CDYL: variants seen among roughly 807,000 people sequenced by gnomAD.
The protein encoded by CDYL is chromodomain Y-like protein.
In CDYL, 8 loss-of-function variants were observed where a neutral mutation model predicts 47.3. The ratio of observed to expected loss-of-function variants is 0.17; its 90% CI spans 0.10 to 0.31. The LOEUF (loss-of-function observed/expected upper bound fraction) is 0.31. Ranked by LOEUF, CDYL falls within the 10% of genes least tolerant of loss-of-function variation. CDYL has a pLI of 1.00. For synonymous variants in CDYL, 266 were observed against 265.0 expected (o/e 1.00, Z -0.04); for missense variants, 471 against 701.4 (o/e 0.67, Z 3.71).
chr6:4,848,664 G>A (rs1037263152), intron 1 of CDYL, among the ~76,000 whole-genome samples: 13 of 152,246 alleles, frequency 8.5e-5, no homozygotes, highest in African/African-American at 2.9e-4. Flanking sequence ...TATTAGCACA[G>A]TGTATTTTTA....
In CDYL at chr6:4,895,425, GTATACATGTATACGTATATATGCATA is replaced by G. The variant is rs1762237262; in HGVS notation, c.691+3060_691+3085del. ...TATACATGTATACGTATATATGCAT[GTATACATGTATACGTATATATGCATA>G]TATACATGTATACATATATACGTAT... On this transcript the variant is annotated intron_variant, in intron 2 of 6. Coordinates refer to ENST00000397588, the MANE Select transcript of CDYL (RefSeq NM_004824.4). Among the ~76,000 whole-genome samples the G allele has an allele frequency of 3.1e-3, 12 of 3,892 alleles. 5 individuals are homozygous for G. The highest frequency in any genetic ancestry group is 3.2e-3 in the African/African-American group (12 of 3,738). The allele number at this position is 3,892 out of a possible 152,430, so 2.6% of individuals were successfully genotyped here. A position where few individuals can be genotyped will look rare whatever the true frequency, so the allele number is the denominator to read the frequency against.
At chr6:4,780,804 A>G (rs73362510) in intron 1 of CDYL, among the ~76,000 whole-genome samples, 9,085 of 152,302 alleles carry the variant, frequency 0.06, 709 homozygotes, top group African/African-American at 0.18. Flanking sequence ...TTAGGATTTG[A>G]AAGTATTCTA....
At position 4,895,933 on chromosome 6, in the gene CDYL, T is replaced by A. The variant is rs186605808; in HGVS notation, c.691+3554T>A. Among the ~76,000 whole-genome samples, 14 of 152,316 alleles carry A rather than the reference T, an allele frequency of 9.2e-5. 1 individual carries two copies. The East Asian group carries it at 1.7e-3, about 19-fold the overall frequency. Reference sequence around the variant, plus strand: ...GATGTGTAAGCATAGAATCTTAAATTATTTTACCTTGTTGTGCGGAGTTGG... The same window carrying A: ...GATGTGTAAGCATAGAATCTTAAATAATTTTACCTTGTTGTGCGGAGTTGG... On this transcript the variant is annotated intron_variant, in intron 2 of 6. Transcript: ENST00000397588.
chr6:4,879,138 T>G (rs1453159733), intron 1 of CDYL, among the ~76,000 whole-genome samples: 2 of 152,226 alleles, frequency 1.3e-5, no homozygotes, highest in Non-Finnish European at 2.9e-5. Context: ...TTGTGAATAT[T>G]TCAAGTGATT....
chr6:4,889,427 G>A (rs995520750), intron 1 of CDYL, among the ~76,000 whole-genome samples: 1 of 152,020 alleles, frequency 6.6e-6, no homozygotes, highest in Non-Finnish European at 1.5e-5. Context: ...GTTTCACCAT[G>A]TTGTCCAGGC....
At chr6:4,952,075 T>G (rs560228931) in intron 5 of CDYL, among the ~76,000 whole-genome samples, 191 bp from the exon 6 acceptor site, 2 of 152,324 alleles carry the variant, frequency 1.3e-5, no homozygotes, top group South Asian at 2.1e-4. Flanking sequence ...CCCGATAGAT[T>G]ACTTTCCCAC....
chr6:4,852,806 C>CTTTTTTTTTTTTTT (rs528608801), intron 1 of CDYL, among the ~76,000 whole-genome samples: 2,312 of 146,186 alleles, frequency 0.016, 73 homozygotes, highest in African/African-American at 0.056. Flanking sequence ...TTTCTTTGTT[C>CTTTTTTTTTTTTTT]TTTTTTTTTT....
At chr6:4,824,971 A>C (rs954405573) in intron 1 of CDYL, among the ~76,000 whole-genome samples, 2 of 152,026 alleles carry the variant, frequency 1.3e-5, no homozygotes, top group African/African-American at 4.8e-5. Context: ...CCTGAGTTCA[A>C]GCAATTTTTG....
chr6:4,716,044 C>G (rs1391725947), intron 2 of CDYL, among the ~76,000 whole-genome samples: 1 of 152,092 alleles, frequency 6.6e-6, no homozygotes, highest in South Asian at 2.1e-4. Flanking sequence ...GTCAGGAGAT[C>G]GAGACCATCC....
intron 3 of CDYL, among the ~76,000 whole-genome samples, 170 bp downstream of exon 3, chr6:4,935,941 A>G (rs1758178978): frequency 6.6e-6 from 1 of 152,108 alleles, no homozygotes; most frequent in African/African-American, 2.4e-5. Context: ...GCTTTGCTCC[A>G]TGTCCCACCT....
chr6:4,739,282 C>T (rs1049482958), intron 3 of CDYL, among the ~76,000 whole-genome samples: 2 of 151,876 alleles, frequency 1.3e-5, no homozygotes, highest in Non-Finnish European at 2.9e-5. Flanking sequence ...CTTTGGGAGG[C>T]TGAGGTGGGT....
chr6:4,865,838 A>G (rs971130860), intron 1 of CDYL, among the ~76,000 whole-genome samples: 2 of 152,254 alleles, frequency 1.3e-5, no homozygotes, highest in African/African-American at 2.4e-5. Context: ...ATCTCTAGTC[A>G]GTGTCAGTTG....
chr6:4,892,598 G>A (rs914331092), intron 2 of CDYL, among the ~76,000 whole-genome samples: 2 of 150,684 alleles, frequency 1.3e-5, no homozygotes, highest in African/African-American at 2.5e-5. Flanking sequence ...TCCACAGACT[G>A]TGCTACCACA....
chr6:4,873,275 CTT>C (rs1761526006), intron 1 of CDYL, among the ~76,000 whole-genome samples: 1 of 152,024 alleles, frequency 6.6e-6, no homozygotes, highest in South Asian at 2.1e-4. Context: ...GGCTTAACCT[CTT>C]AAATATTTAA....
chr6:4,796,419 A>G (rs1025208909), intron 1 of CDYL, among the ~76,000 whole-genome samples: 1 of 152,180 alleles, frequency 6.6e-6, no homozygotes, highest in African/African-American at 2.4e-5. Context: ...TTCAGGGTTC[A>G]TATATGTACA....
At chr6:4,831,921 AT>A (rs759288409) in intron 1 of CDYL, among the ~76,000 whole-genome samples, 163 of 152,056 alleles carry the variant, frequency 1.1e-3, no homozygotes, top group Non-Finnish European at 1.9e-3. Context: ...TTGTACATTG[AT>A]TTTGTATCCT....
chr6:4,732,353 T>A (rs1483069423), intron 2 of CDYL, among the ~76,000 whole-genome samples: 1 of 150,962 alleles, frequency 6.6e-6, no homozygotes, highest in Admixed American at 6.6e-5. Context: ...TTAATTAATT[T>A]AATTTAATGG....
intron 2 of CDYL, among the ~76,000 whole-genome samples, chr6:4,717,841 T>C (rs971774819): frequency 3.4e-5 from 4 of 115,976 alleles, no homozygotes; most frequent in African/African-American, 1.6e-4. Context: ...CCTGTTAGAT[T>C]TTTTTTTTTC....
intron 2 of CDYL, among the ~76,000 whole-genome samples, chr6:4,897,790 G>GTTTTTTTT (rs375666284): frequency 4.3e-5 from 6 of 140,258 alleles, no homozygotes; most frequent in South Asian, 2.2e-4. Flanking sequence ...GAAGGTTTTT[G>GTTTTTTTT]TTTTTTTTTT....
Sources: gnomAD v4.1 joint callset for allele counts (sites outside exome capture counted in the v4.1 genomes callset) on GRCh38, gnomAD v4.1.1 for gene constraint, MANE v1.5 for transcripts, NCBI Gene and HGNC (gene_info 2026-07-23, HGNC 2026-07-21) for gene names.